Variants in CARD10 observed in about 807,000 individuals in gnomAD.
The protein encoded by CARD10 is caspase recruitment domain-containing protein 10.
In CARD10, 49 loss-of-function variants were observed where a neutral mutation model predicts 114.6. The ratio of observed to expected loss-of-function variants is 0.43; its 90% CI spans 0.34 to 0.54. The LOEUF is 0.54. Among genes scored for constraint, CARD10 ranks in the 20% least tolerant of loss-of-function variants. The pLI is 0.03. For missense variants in CARD10, 1,206 were observed against 1,397.2 expected (o/e 0.86, Z 2.18); for synonymous variants, 602 against 593.2 (o/e 1.01, Z -0.21).
chr22:37,506,442 G>T lies in CARD10; in HGVS notation c.1192-59C>A. On this transcript the variant is annotated intron_variant, in intron 6 of 19. Coordinates refer to ENST00000251973, the MANE Select transcript of CARD10 (RefSeq NM_014550.4). ...GAGCCACCTTGGCCCAGCTTTCCTG[G>T]CCTATGACTTGGAGAATGGGGACAG... is the stretch of plus-strand genomic sequence containing the variant. The T allele has an allele frequency of 5.9e-6, 8 of 1,353,548 alleles. No homozygotes were observed. In the South Asian group the frequency reaches 1.1e-4, roughly 18 times the overall value. 83.8% of individuals were successfully genotyped at this position (1,353,548 alleles called of 1,614,324 possible).
Position 37,491,168 on chromosome 22 carries a change from ACTGCTGCTGGGGCAGCCT to A in CARD10, c.3072_3089del (p.Arg1024_Ser1029del). ...AGGTATCAGATGAGCCTCAGGCCTC[ACTGCTGCTGGGGCAGCCT>A]CTGCTGCTGCCGCACTCCACCCACA... is the stretch of plus-strand genomic sequence containing the variant. On this transcript the variant is annotated inframe_deletion, in exon 20 of 20. Coordinates refer to ENST00000251973, the MANE Select transcript of CARD10 (RefSeq NM_014550.4). 1.3e-6 allele frequency: 2 copies of A among 1,559,488 alleles called. No individual in the cohort carries two copies. The highest frequency in any genetic ancestry group is 1.4e-5 in the African/African-American group (1 of 73,926).
chr22:37,510,446 C>T, intron 3 of CARD10, 25 bp from the exon 4 acceptor site: 1 of 1,607,422 alleles, frequency 6.2e-7, no homozygotes, highest in East Asian at 2.2e-5. Flanking sequence ...ATGGGTCAGC[C>T]CAGAGGGAGA....
rs1203458814 is a variant in CARD10 at position 37,501,628 on chromosome 22, C to T, written c.1787+974G>A. Among the ~76,000 whole-genome samples, 1 of 152,180 alleles carries T rather than the reference C, an allele frequency of 6.6e-6. No individual in the cohort carries two copies. Among genetic ancestry groups the T allele is most frequent in the East Asian group, 1.9e-4 (1 of 5,196 alleles). On this transcript the variant is annotated intron_variant, in intron 11 of 19. Coordinates refer to ENST00000251973, the MANE Select transcript of CARD10 (RefSeq NM_014550.4). The surrounding 1 kb of genome is among the most constrained non-coding windows in gnomAD (Gnocchi z 5.4). ...CAGTCCATGTTTCCTATGCCCTTTC[C>T]AAAACCCAAATCTGATCAGGTCACT...
At chr22:37,508,949 A>T in intron 4 of CARD10, 1 of 1,522,850 alleles carries the variant, frequency 6.6e-7, no homozygotes, top group South Asian at 1.2e-5. Flanking sequence ...GGACAAGTTC[A>T]CCCAGGATTA....
At chr22:37,512,808 C>T (rs926897863) in intron 3 of CARD10, among the ~76,000 whole-genome samples, 9 of 152,296 alleles carry the variant, frequency 5.9e-5, no homozygotes, top group Non-Finnish European at 1.3e-4. Flanking sequence ...ACAGGAAATA[C>T]GGATGCATTT....
At position 37,502,554 on chromosome 22, in the gene CARD10, C is replaced by T. The variant is rs1923252275; in HGVS notation, c.1787+48G>A. 1.9e-6 allele frequency: 3 copies of T among 1,590,588 alleles called. No individual in the cohort carries two copies. The East Asian group carries it at 6.7e-5, about 36-fold the overall frequency. ...CTCCTCCCACCTCACTCCTGTTCCC[C>T]TCTCAAGCAATCACCCCAGCTCCAC... On this transcript the variant is annotated intron_variant, in intron 11 of 19. Transcript: ENST00000251973.
intron 9 of CARD10, 170 bp downstream of exon 9, chr22:37,504,016 G>A (rs749972059): frequency 1.1e-5 from 8 of 716,640 alleles, no homozygotes; most frequent in Non-Finnish European, 2.1e-5. Context: ...GACCTTGGTC[G>A]CCCCTGTGAC....
chr22:37,515,481 G>A (rs1477794200), intron 3 of CARD10, among the ~76,000 whole-genome samples: 2 of 150,830 alleles, frequency 1.3e-5, no homozygotes, highest in African/African-American at 4.9e-5. Context: ...GAGAATCGCT[G>A]GAACCCGGGA....
At chr22:37,517,590 T>C (rs6519066) in intron 2 of CARD10, among the ~76,000 whole-genome samples, 17,679 of 151,830 alleles carry the variant, frequency 0.12, 1,967 homozygotes, top group African/African-American at 0.29. Context: ...TGCAGTGAGC[T>C]GAGATCGCGC....
At position 37,491,398 on chromosome 22, in the gene CARD10, C is replaced by T. The variant is rs1453930708; in HGVS notation, c.2865-5G>A. On this transcript the variant is annotated splice_region_variant and splice_polypyrimidine_tract_variant and intron_variant, in intron 19 of 19. Transcript: ENST00000251973. ...CCCGGCCGGCCCAGCAGACCCCTGC[C>T]GAGAGAAGAGTGAGCAGCGGTCAAA... The T allele has an allele frequency of 1.2e-5, 17 of 1,473,730 alleles. No individual in the cohort carries two copies. The highest frequency in any genetic ancestry group is 6.8e-5 in the South Asian group (5 of 73,960). 91.3% of individuals were successfully genotyped at this position (1,473,730 alleles called of 1,614,324 possible).
intron 6 of CARD10, among the ~76,000 whole-genome samples, chr22:37,507,577 A>C (rs1188652927): frequency 3.3e-5 from 5 of 152,200 alleles, no homozygotes; most frequent in Non-Finnish European, 5.9e-5. Context: ...TTCAAAAATG[A>C]AGACACCAGG....
Position 37,496,653 on chromosome 22 carries a change from C to T in CARD10, c.1948-93G>A, listed in dbSNP as rs939203411. ...AGGAAGACCAGGTGTGGGGGTGTTTCATGCCTCACAGTTCAGATAGCGCCC... is the reference window on the plus strand; with the variant it reads ...AGGAAGACCAGGTGTGGGGGTGTTTTATGCCTCACAGTTCAGATAGCGCCC... On this transcript the variant is annotated intron_variant, in intron 12 of 19. Coordinates refer to ENST00000251973, the MANE Select transcript of CARD10 (RefSeq NM_014550.4). This position sits in a 1 kb window ranked among gnomAD's most constrained non-coding sequence, Gnocchi z 4.1. The T allele has an allele frequency of 1.8e-5, 16 of 879,330 alleles. No homozygotes were observed. In the African/African-American group the frequency reaches 2.5e-4, roughly 14 times the overall value. 54.5% of individuals were successfully genotyped at this position (879,330 alleles called of 1,614,324 possible). A position where few individuals can be genotyped will look rare whatever the true frequency, so the allele number is the denominator to read the frequency against.
In CARD10 at chr22:37,510,271, G is replaced by A. The variant is rs371898322; in HGVS notation, c.850C>T (p.Arg284Cys). The change falls in exon 4 of 20, where the codon CGT becomes TGT. Residue 284 changes from arginine to cysteine, a missense_variant. This residue lies in a region of CARD10 where 1,068 missense variants were observed against 1,179.1 expected (regional missense o/e 0.91). Coordinates refer to ENST00000251973, the MANE Select transcript of CARD10 (RefSeq NM_014550.4). ...GCCGTCAGCCGCTGGTTCTCAGCAC[G>A]CAGCTCAGAGACAAGGTCCACATTG... is the stretch of plus-strand genomic sequence containing the variant. ...PDNVDLVSELRAENQRLTASL... is the reference protein window; with the variant it reads ...PDNVDLVSELCAENQRLTASL... 88 of 1,604,216 alleles carry A rather than the reference G, an allele frequency of 5.5e-5. 1 individual carries two copies. The highest frequency in any genetic ancestry group is 6.4e-5 in the Non-Finnish European group (76 of 1,179,730).
At chr22:37,513,602 G>A (rs369187959) in intron 3 of CARD10, among the ~76,000 whole-genome samples, 99 of 152,138 alleles carry the variant, frequency 6.5e-4, no homozygotes, top group Middle Eastern at 6.8e-3. Context: ...GGGACAAGCC[G>A]TGAGGGCTGC....
chr22:37,514,290 A>G (rs1488263607), intron 3 of CARD10, among the ~76,000 whole-genome samples: 1 of 151,968 alleles, frequency 6.6e-6, no homozygotes, highest in African/African-American at 2.4e-5. Flanking sequence ...TATAAAGCAC[A>G]AGGCCGTTTT....
At position 37,494,258 on chromosome 22, in the gene CARD10, G is replaced by A. The variant is rs1922912292; in HGVS notation, c.2374-70C>T. The A allele has an allele frequency of 1.5e-5, 16 of 1,099,998 alleles. No individual in the cohort carries two copies. The Admixed American group carries it at 3.4e-4, about 23-fold the overall frequency. 68.1% of individuals were successfully genotyped at this position (1,099,998 alleles called of 1,614,324 possible). A position where few individuals can be genotyped will look rare whatever the true frequency, so the allele number is the denominator to read the frequency against. ...GCCCCCTCAGGGAGAGGAGGAAACG[G>A]GACCCCTGGCACAGCGGGCCCCACT... is the stretch of plus-strand genomic sequence containing the variant. On this transcript the variant is annotated intron_variant, in intron 15 of 19. Coordinates refer to ENST00000251973, the MANE Select transcript of CARD10 (RefSeq NM_014550.4).
In CARD10 at chr22:37,491,244, C is replaced by T. The variant is rs964210648; in HGVS notation, c.3014G>A (p.Arg1005His). Residue 1005 changes from arginine to histidine, a missense_variant, in exon 20 of 20, where the codon CGC becomes CAC. This residue lies in a region of CARD10 where 1,068 missense variants were observed against 1,179.1 expected (regional missense o/e 0.91). Coordinates refer to ENST00000251973, the MANE Select transcript of CARD10 (RefSeq NM_014550.4). ...GHAEELAKVVRGRILQEQARL... is the reference protein window; with the variant it reads ...GHAEELAKVVHGRILQEQARL... ...GGCCTGCTCCTGCAGGATGCGGCCG[C>T]GCACCACCTTGGCCAGCTCCTCTGC... 1.9e-6 allele frequency: 3 copies of T among 1,566,600 alleles called. No homozygotes were observed. Among genetic ancestry groups the T allele is most frequent in the African/African-American group, 1.3e-5 (1 of 74,106 alleles).
rs1569164984 is a variant in CARD10 at position 37,504,778 on chromosome 22, G to GA, written c.1384-10_1384-9insT. 3.3e-6 allele frequency: 5 copies of GA among 1,512,924 alleles called. No individual in the cohort carries two copies. Among genetic ancestry groups the GA allele is most frequent in the South Asian group, 2.7e-5 (2 of 74,042 alleles). 93.7% of individuals were successfully genotyped at this position (1,512,924 alleles called of 1,614,324 possible). A position where few individuals can be genotyped will look rare whatever the true frequency, so the allele number is the denominator to read the frequency against. ...TGGGAGGAGGCACAGGCCTGGAAGA[G>GA]GGAGAGGAGAGGAAGGAGGTGAGCA... On this transcript the variant is annotated splice_polypyrimidine_tract_variant and intron_variant, in intron 7 of 19. Transcript: ENST00000251973.
intron 6 of CARD10, among the ~76,000 whole-genome samples, chr22:37,507,380 C>G (rs1483343557): frequency 1.3e-5 from 2 of 152,234 alleles, no homozygotes; most frequent in Non-Finnish European, 2.9e-5. Context: ...GAACCTCACA[C>G]AAGGAGGCTC....
Sources: gnomAD v4.1 joint callset for allele counts (sites outside exome capture counted in the v4.1 genomes callset) on GRCh38, gnomAD v4.1.1 for gene constraint, gnomAD v4.1.1 regional missense constraint, Gnocchi (gnomAD v3.1) non-coding constraint, MANE v1.5 for transcripts, NCBI Gene and HGNC (gene_info 2026-07-23, HGNC 2026-07-21) for gene names.